Variants in NEGR1 observed in about 807,000 individuals in gnomAD.
NEGR1 encodes the protein IgLON family member 4.
NEGR1 carries 10 observed loss-of-function variants against 40.9 expected under a neutral mutation model. The ratio of observed to expected loss-of-function variants is 0.24; its 90% CI spans 0.15 to 0.42. NEGR1 has a LOEUF of 0.42. Ranked by LOEUF, NEGR1 falls within the 10% of genes least tolerant of loss-of-function variation. The probability of loss-of-function intolerance (pLI) is 1.00; values close to 1 mark genes in which losing one functional copy is unlikely to be tolerated. For missense variants in NEGR1, 352 were observed against 438.9 expected, an observed-to-expected ratio of 0.80 and a Z score of 1.77; for synonymous variants, 185 against 166.8, an observed-to-expected ratio of 1.11 and a Z score of -0.84.
At chr1:71,819,731 G>A (rs191015970) in intron 2 of NEGR1, among the ~76,000 whole-genome samples, 3 of 152,030 alleles carry the variant, frequency 2.0e-5, no homozygotes, top group Admixed American at 6.6e-5. Flanking sequence ...TATGTCAAAG[G>A]GGGGATAAAA....
chr1:71,888,150 T>G (rs1397314563), intron 2 of NEGR1, among the ~76,000 whole-genome samples: 1 of 152,198 alleles, frequency 6.6e-6, no homozygotes, highest in Non-Finnish European at 1.5e-5. Flanking sequence ...TTTATTTTTT[T>G]TCTTCTAACC....
rs550420375 is a variant in NEGR1 at position 71,804,894 on chromosome 1, A to T, written c.410-28597T>A. 2.0e-5 allele frequency among the ~76,000 whole-genome samples: 3 copies of T among 152,332 alleles called. No homozygotes were observed. The East Asian group carries it at 5.8e-4, about 29-fold the overall frequency. On this transcript the variant is annotated intron_variant, in intron 2 of 6. Transcript: ENST00000357731. ...TCTGACTGCCAGTGAGCCAGGTGGAACACAGCCATATTTCTCTTCTTTCAA... is the reference window on the plus strand; with the variant it reads ...TCTGACTGCCAGTGAGCCAGGTGGATCACAGCCATATTTCTCTTCTTTCAA...
At chr1:71,968,380 T>G (rs1303775044) in intron 1 of NEGR1, among the ~76,000 whole-genome samples, 2 of 152,234 alleles carry the variant, frequency 1.3e-5, no homozygotes, top group East Asian at 3.8e-4. Context: ...GGTCAGTTAG[T>G]GAGTTTAAGT....
chr1:71,970,281 A>G (rs779760933), intron 1 of NEGR1, among the ~76,000 whole-genome samples: 3 of 152,174 alleles, frequency 2.0e-5, no homozygotes, highest in Non-Finnish European at 4.4e-5. Context: ...GAAGGGCCAG[A>G]TCCTGGTGGG....
intron 1 of NEGR1, among the ~76,000 whole-genome samples, chr1:72,249,406 C>A (rs1332730882): frequency 6.6e-6 from 1 of 152,128 alleles, no homozygotes; most frequent in East Asian, 1.9e-4. Context: ...GTCTCATCAG[C>A]CTCAGTAGAT....
intron 4 of NEGR1, among the ~76,000 whole-genome samples, chr1:71,649,912 G>C (rs1160357899): frequency 6.6e-6 from 1 of 152,006 alleles, no homozygotes; most frequent in Admixed American, 6.6e-5. Flanking sequence ...GATGGGATTG[G>C]CAAAGGATGA....
intron 6 of NEGR1, among the ~76,000 whole-genome samples, chr1:71,435,715 G>T (rs1646504802): frequency 6.6e-6 from 1 of 152,196 alleles, no homozygotes; most frequent in Non-Finnish European, 1.5e-5. Context: ...AATACCAGCT[G>T]CTGCCCATCT....
chr1:71,761,105 T>C (rs1364704993), intron 3 of NEGR1, among the ~76,000 whole-genome samples: 3 of 152,192 alleles, frequency 2.0e-5, no homozygotes, highest in Non-Finnish European at 4.4e-5. Flanking sequence ...AGTTTTAATA[T>C]GCTAAATCTA....
chr1:71,825,924 T>C (rs1658604163), intron 2 of NEGR1, among the ~76,000 whole-genome samples: 1 of 151,930 alleles, frequency 6.6e-6, no homozygotes, highest in Non-Finnish European at 1.5e-5. Flanking sequence ...CTTCAGATTG[T>C]CTCCCAAAAC....
chr1:71,702,762 G>A (rs1653743450), intron 3 of NEGR1, among the ~76,000 whole-genome samples: 1 of 148,670 alleles, frequency 6.7e-6, no homozygotes, highest in Non-Finnish European at 1.5e-5. Context: ...ACATTGGACA[G>A]TAAGAAGCAC....
At chr1:72,179,567 G>C (rs780243716) in intron 1 of NEGR1, among the ~76,000 whole-genome samples, 1 of 152,114 alleles carries the variant, frequency 6.6e-6, no homozygotes, top group African/African-American at 2.4e-5. Context: ...ATTTGCATTT[G>C]CACTTTTAGA....
intron 2 of NEGR1, among the ~76,000 whole-genome samples, chr1:71,818,787 G>A (rs1658318230): frequency 6.6e-6 from 1 of 151,862 alleles, no homozygotes; most frequent in Non-Finnish European, 1.5e-5. Context: ...CCAGCAGAGT[G>A]ACAGCCAAGG....
intron 1 of NEGR1, among the ~76,000 whole-genome samples, chr1:72,045,319 T>C (rs1030870155): frequency 2.6e-5 from 4 of 151,842 alleles, no homozygotes; most frequent in East Asian, 1.9e-4. Context: ...ACAAGTTAGA[T>C]AGGTCAGCAT....
chr1:72,093,060 C>T (rs116231137), intron 1 of NEGR1, among the ~76,000 whole-genome samples: 5,737 of 152,064 alleles, frequency 0.038, 327 homozygotes, highest in African/African-American at 0.13. Context: ...AGGCTGGGTA[C>T]GGTGGCTCAT....
At chr1:71,846,392 C>CACACACACACAA (rs1298939709) in intron 2 of NEGR1, among the ~76,000 whole-genome samples, 1 of 140,602 alleles carries the variant, frequency 7.1e-6, no homozygotes, top group Non-Finnish European at 1.5e-5. Flanking sequence ...CCCACACACA[C>CACACACACACAA]ACACACACAC....
intron 6 of NEGR1, among the ~76,000 whole-genome samples, chr1:71,426,992 A>T (rs1646432972): frequency 6.6e-6 from 1 of 152,158 alleles, no homozygotes; most frequent in Non-Finnish European, 1.5e-5. Context: ...GTTCCTCTTC[A>T]TCTATATTTT....
chr1:72,089,085 A>T (rs767596880), intron 1 of NEGR1, among the ~76,000 whole-genome samples: 5 of 152,156 alleles, frequency 3.3e-5, no homozygotes, highest in Non-Finnish European at 7.3e-5. Context: ...GCAAATGTTG[A>T]ATCATTAGGC....
At chr1:71,492,624 A>G (rs1400959963) in intron 6 of NEGR1, among the ~76,000 whole-genome samples, 1 of 151,936 alleles carries the variant, frequency 6.6e-6, no homozygotes, top group African/African-American at 2.4e-5. Flanking sequence ...ATACACACGG[A>G]TTTGACTCAG....
intron 2 of NEGR1, among the ~76,000 whole-genome samples, chr1:71,871,675 A>C (rs947735693): frequency 1.3e-5 from 2 of 152,220 alleles, no homozygotes; most frequent in Non-Finnish European, 2.9e-5. Context: ...ATTCTGAAAC[A>C]GGTATTGAAA....
Sources: gnomAD v4.1 joint callset for allele counts (sites outside exome capture counted in the v4.1 genomes callset) on GRCh38, gnomAD v4.1.1 for gene constraint, MANE v1.5 for transcripts, NCBI Gene and HGNC (gene_info 2026-07-23, HGNC 2026-07-21) for gene names.